The following FLVCR1 variants were observed in gnomAD, a reference collection of about 807,000 sequenced individuals.
FLVCR1 encodes the protein FLVCR choline and heme transporter 1.
Under a neutral mutation model 53.6 loss-of-function variants are expected in FLVCR1, and 34 were observed. The observed-to-expected ratio is 0.63, with a 90% CI of 0.48 to 0.84. The LOEUF is 0.84. Ranked by LOEUF, FLVCR1 falls within the 40% of genes least tolerant of loss-of-function variation. The probability of loss-of-function intolerance (pLI) is 0.00; values close to 1 mark genes in which losing one functional copy is unlikely to be tolerated. For missense variants in FLVCR1, 677 were observed against 696.7 expected (o/e 0.97, Z 0.32); for synonymous variants, 300 against 286.3 (o/e 1.05, Z -0.48).
Position 212,899,236 on chromosome 1 carries a change from C to T in FLVCR1, c.*3946C>T, listed in dbSNP as rs1436649305. 3 of 152,156 alleles carry T rather than the reference C, an allele frequency of 2.0e-5. No homozygotes were observed. The highest frequency in any genetic ancestry group is 4.4e-5 in the Non-Finnish European group (3 of 68,034). The allele number at this position is 152,156 out of a possible 1,614,324, so 9.4% of individuals were successfully genotyped here. On this transcript the variant is annotated 3_prime_UTR_variant, in exon 10 of 10. Transcript: ENST00000366971. ...TTGTGTGTAAAAATGTGTCTGTATG[C>T]AATAGCTAGAAAAATGCCTGTGTCT...
intron 4 of FLVCR1, among the ~76,000 whole-genome samples, chr1:212,884,285 G>A (rs774218354): frequency 6.6e-6 from 1 of 151,584 alleles, no homozygotes; most frequent in Non-Finnish European, 1.5e-5. Flanking sequence ...GGCAATAAGA[G>A]TGAATCCCCA....
chr1:212,871,354 G>A (rs1664590097), intron 2 of FLVCR1, among the ~76,000 whole-genome samples: 1 of 152,110 alleles, frequency 6.6e-6, no homozygotes, highest in African/African-American at 2.4e-5. Context: ...TTTAATTTCT[G>A]CTGTACCATA....
intron 3 of FLVCR1, among the ~76,000 whole-genome samples, chr1:212,883,165 T>C (rs189319527): frequency 2.6e-5 from 4 of 152,306 alleles, no homozygotes; most frequent in Non-Finnish European, 5.9e-5. Context: ...TTTAGTACAG[T>C]TAGGTGTTAA....
intron 3 of FLVCR1, among the ~76,000 whole-genome samples, chr1:212,876,829 T>C (rs1397307024): frequency 1.3e-5 from 2 of 152,242 alleles, no homozygotes; most frequent in Non-Finnish European, 2.9e-5. Context: ...AATAGAATGA[T>C]TTATATTCCT....
At chr1:212,865,370 G>A (rs917285310) in intron 2 of FLVCR1, among the ~76,000 whole-genome samples, 17 of 150,888 alleles carry the variant, frequency 1.1e-4, no homozygotes, top group African/African-American at 4.2e-4. Context: ...ATGAGTGAGA[G>A]CATGCGGTAA....
At chr1:212,873,310 C>A (rs1399529134) in intron 3 of FLVCR1, among the ~76,000 whole-genome samples, 152 of 144,102 alleles carry the variant, frequency 1.1e-3, no homozygotes, top group South Asian at 1.8e-3. Flanking sequence ...GAGACTATCT[C>A]AAAAAAAAAA....
At chr1:212,872,245 G>A (rs1222680883) in intron 2 of FLVCR1, among the ~76,000 whole-genome samples, 1 of 152,092 alleles carries the variant, frequency 6.6e-6, no homozygotes, top group Non-Finnish European at 1.5e-5. Context: ...CTCCCAAAGA[G>A]CTGGGATTAC....
chr1:212,894,955 TTTATA>T, intron 8 of FLVCR1, 26 bp from the exon 9 acceptor site: 1 of 1,500,168 alleles, frequency 6.7e-7, no homozygotes, highest in Non-Finnish European at 9.3e-7. Flanking sequence ...CACATAACAG[TTTATA>T]GTAACTTGAT....
intron 8 of FLVCR1, among the ~76,000 whole-genome samples, chr1:212,891,201 G>T (rs904117104): frequency 2.0e-5 from 3 of 152,112 alleles, no homozygotes; most frequent in Non-Finnish European, 2.9e-5. Flanking sequence ...TTGATGTCAG[G>T]AGTTCAAGAC....
intron 3 of FLVCR1, among the ~76,000 whole-genome samples, 191 bp from the exon 4 acceptor site, chr1:212,883,180 A>G (rs1384246325): frequency 6.6e-6 from 1 of 152,180 alleles, no homozygotes; most frequent in Non-Finnish European, 1.5e-5. Context: ...TGTTAAATTC[A>G]TTAGTCCAGG....
chr1:212,872,028 T>G (rs1008856663), intron 2 of FLVCR1, among the ~76,000 whole-genome samples: 7 of 152,206 alleles, frequency 4.6e-5, no homozygotes, highest in Non-Finnish European at 1.0e-4. Flanking sequence ...ATATCACATT[T>G]CAGAAGAAAA....
Position 212,865,976 on chromosome 1 carries a change from GTTTGGTTTTTT to G in FLVCR1, c.883+2111_883+2121del, listed in dbSNP as rs1664407159. On this transcript the variant is annotated intron_variant, in intron 2 of 9. Coordinates refer to ENST00000366971, the MANE Select transcript of FLVCR1 (RefSeq NM_014053.4). ...TACAGGCATTTGGCTAATTTTTGGGGTTTGGTTTTTTTTTTTTTTTTTTTTTGAGACAGAGT... is the reference window on the plus strand; with the variant it reads ...TACAGGCATTTGGCTAATTTTTGGGGTTTTTTTTTTTTTTTGAGACAGAGT... Among the ~76,000 whole-genome samples, 7 of 40,264 alleles carry G rather than the reference GTTTGGTTTTTT, an allele frequency of 1.7e-4. No individual in the cohort carries two copies. The South Asian group carries it at 9.9e-3, about 57-fold the overall frequency. 26.4% of individuals were successfully genotyped at this position (40,264 alleles called of 152,430 possible). A position where few individuals can be genotyped will look rare whatever the true frequency, so the allele number is the denominator to read the frequency against.
At position 212,894,006 on chromosome 1, in the gene FLVCR1, C is replaced by T. The variant is rs189613023; in HGVS notation, c.1526-980C>T. On this transcript the variant is annotated intron_variant, in intron 8 of 9. Coordinates refer to ENST00000366971, the MANE Select transcript of FLVCR1 (RefSeq NM_014053.4). ...GGCTAGGCTGGTCTCGAACTCCTGA[C>T]CTCAAGTGATCCACCCGCCTCGGCC... 2.4e-3 allele frequency among the ~76,000 whole-genome samples: 361 copies of T among 151,970 alleles called. 3 individuals are homozygous for T. Among genetic ancestry groups the T allele is most frequent in the African/African-American group, 8.3e-3 (345 of 41,420 alleles).
rs573202293 is a variant in FLVCR1 at position 212,861,321 on chromosome 1, C to A, written c.738+2131C>A. ...TTCTTCACTTGACTAACTCCAATTT[C>A]TTATTCAGATCTTTGCTCCTCCAGG... is the stretch of plus-strand genomic sequence containing the variant. On this transcript the variant is annotated intron_variant, in intron 1 of 9. Transcript: ENST00000366971. Among the ~76,000 whole-genome samples the A allele has an allele frequency of 4.1e-4, 63 of 152,348 alleles. No individual in the cohort carries two copies. The South Asian group carries it at 6.2e-3, about 15-fold the overall frequency.
chr1:212,888,008 A>G lies in FLVCR1; in HGVS notation c.1307+7A>G. The G allele has an allele frequency of 6.9e-7, 1 of 1,454,086 alleles. No homozygotes were observed. The highest frequency in any genetic ancestry group is 9.7e-7 in the Non-Finnish European group (1 of 1,034,276). The allele number at this position is 1,454,086 out of a possible 1,614,324, so 90.1% of individuals were successfully genotyped here. A position where few individuals can be genotyped will look rare whatever the true frequency, so the allele number is the denominator to read the frequency against. Reference sequence around the variant, plus strand: ...TTACTGGAGGGGTGCTTGGGTAAGTATCAGATGTGTTTAGGAGGAATGATA... The same window carrying G: ...TTACTGGAGGGGTGCTTGGGTAAGTGTCAGATGTGTTTAGGAGGAATGATA... On this transcript the variant is annotated splice_region_variant and intron_variant, in intron 6 of 9. Coordinates refer to ENST00000366971, the MANE Select transcript of FLVCR1 (RefSeq NM_014053.4).
chr1:212,867,228 C>G (rs891187302), intron 2 of FLVCR1, among the ~76,000 whole-genome samples: 1 of 152,176 alleles, frequency 6.6e-6, no homozygotes, highest in Non-Finnish European at 1.5e-5. Context: ...TGAGTATAAT[C>G]CATCTAGTGT....
intron 3 of FLVCR1, among the ~76,000 whole-genome samples, chr1:212,874,892 T>G (rs1350930379): frequency 6.8e-6 from 1 of 146,232 alleles, no homozygotes; most frequent in Non-Finnish European, 1.5e-5. Flanking sequence ...TCAGCCACAC[T>G]TATAACCAAC....
At position 212,859,194 on chromosome 1, in the gene FLVCR1, A is replaced by G. The variant is rs199736700; in HGVS notation, c.738+4A>G. On this transcript the variant is annotated splice_donor_region_variant and intron_variant, in intron 1 of 9. Coordinates refer to ENST00000366971, the MANE Select transcript of FLVCR1 (RefSeq NM_014053.4). ...CACCGCCGTGCTGGGCAATCAGGTA[A>G]GTACTGGAGTGGTAGGTGAAAGTCA... is the stretch of plus-strand genomic sequence containing the variant. The G allele has an allele frequency of 3.1e-6, 5 of 1,613,936 alleles. No homozygotes were observed. Among genetic ancestry groups the G allele is most frequent in the African/African-American group, 1.3e-5 (1 of 74,918 alleles).
At chr1:212,868,381 G>C (rs1664502625) in intron 2 of FLVCR1, among the ~76,000 whole-genome samples, 1 of 151,534 alleles carries the variant, frequency 6.6e-6, no homozygotes, top group Non-Finnish European at 1.5e-5. Context: ...AGCTGCTTTT[G>C]ATTCTTAATT....
Sources: gnomAD v4.1 joint callset for allele counts (sites outside exome capture counted in the v4.1 genomes callset) on GRCh38, gnomAD v4.1.1 for gene constraint, MANE v1.5 for transcripts, NCBI Gene and HGNC (gene_info 2026-07-23, HGNC 2026-07-21) for gene names.